DOCK1: variants seen among roughly 807,000 people sequenced by gnomAD.
DOCK1 encodes dedicator of cytokinesis 1.
In DOCK1, 138 loss-of-function variants were observed where a neutral mutation model predicts 262.7. The ratio of observed to expected loss-of-function variants is 0.53; its 90% CI spans 0.46 to 0.61. The LOEUF (loss-of-function observed/expected upper bound fraction) is 0.61, where lower values mean the gene tolerates loss of function less well. Among genes scored for constraint, DOCK1 ranks in the 20% least tolerant of loss-of-function variants. The pLI, the probability that DOCK1 is intolerant of heterozygous loss-of-function variation, is 0.00. For synonymous variants in DOCK1, 866 were observed against 867.4 expected (o/e 1.00, Z 0.03); for missense variants, 1,908 against 2,370.7 (o/e 0.80, Z 4.05).
chr10:127,257,202 A>G, intron 28 of DOCK1, 133 bp from the exon 29 acceptor site: 1 of 720,098 alleles, frequency 1.4e-6, no homozygotes, highest in Non-Finnish European at 2.2e-6. Flanking sequence ...CCTATGAAAT[A>G]TATCTTCATT....
intron 47 of DOCK1, among the ~76,000 whole-genome samples, chr10:127,428,521 G>A (rs1432977991): frequency 8.1e-5 from 12 of 148,874 alleles, no homozygotes; most frequent in African/African-American, 2.4e-4. Context: ...GGGGTGCCAT[G>A]TCGATTGTGC....
chr10:127,171,509 A>G (rs941880699), intron 27 of DOCK1, among the ~76,000 whole-genome samples: 1 of 152,128 alleles, frequency 6.6e-6, no homozygotes, highest in African/African-American at 2.4e-5. Context: ...TGTCACTTGT[A>G]TTCAAACTCA....
chr10:127,095,812 G>A (rs747259886), intron 23 of DOCK1, among the ~76,000 whole-genome samples: 7 of 152,294 alleles, frequency 4.6e-5, no homozygotes, highest in Non-Finnish European at 8.8e-5. Context: ...ATGCTTCAAG[G>A]AAGGCATAAC....
At chr10:127,287,959 C>A (rs1220914752) in intron 29 of DOCK1, among the ~76,000 whole-genome samples, 1 of 152,146 alleles carries the variant, frequency 6.6e-6, no homozygotes, top group Non-Finnish European at 1.5e-5. Flanking sequence ...AGCCAGAATT[C>A]TTTCATAAGA....
At chr10:127,118,130 A>G (rs893687363) in intron 25 of DOCK1, among the ~76,000 whole-genome samples, 1 of 152,098 alleles carries the variant, frequency 6.6e-6, no homozygotes, top group African/African-American at 2.4e-5. Flanking sequence ...AATACCCACC[A>G]TTCCACAGCC....
At chr10:127,357,966 A>G (rs2064224060) in intron 32 of DOCK1, among the ~76,000 whole-genome samples, 1 of 151,356 alleles carries the variant, frequency 6.6e-6, no homozygotes, top group East Asian at 1.9e-4. Flanking sequence ...TCAGTTTCCC[A>G]GGATGTATAC....
At chr10:126,948,738 A>T (rs1038402005) in intron 1 of DOCK1, among the ~76,000 whole-genome samples, 2 of 152,028 alleles carry the variant, frequency 1.3e-5, no homozygotes, top group East Asian at 1.9e-4. Flanking sequence ...GCTGCCATCC[A>T]GCCTGGATCC....
chr10:127,349,862 T>A (rs2063803377), intron 31 of DOCK1, among the ~76,000 whole-genome samples: 2 of 152,302 alleles, frequency 1.3e-5, no homozygotes, highest in Admixed American at 1.3e-4. Context: ...CCTATGTGTC[T>A]GTGTCTCTCA....
At chr10:126,953,391 G>T (rs2036485145) in intron 1 of DOCK1, among the ~76,000 whole-genome samples, 1 of 151,672 alleles carries the variant, frequency 6.6e-6, no homozygotes, top group African/African-American at 2.4e-5. Flanking sequence ...AGTGTTGGTA[G>T]TGGTGGTATT....
At chr10:127,428,541 T>A (rs1390388726) in intron 47 of DOCK1, among the ~76,000 whole-genome samples, 1 of 139,150 alleles carries the variant, frequency 7.2e-6, no homozygotes, top group Non-Finnish European at 1.6e-5. Flanking sequence ...CCATGTGGAT[T>A]GTGGTGTTGT....
intron 27 of DOCK1, among the ~76,000 whole-genome samples, chr10:127,154,412 GA>G (rs1564847247): frequency 6.6e-6 from 1 of 151,918 alleles, no homozygotes; most frequent in African/African-American, 2.4e-5. Context: ...TTAAGCACTT[GA>G]AAAAAAATTG....
intron 24 of DOCK1, 42 bp downstream of exon 24, chr10:127,106,343 G>T (rs972540949): frequency 8.3e-6 from 13 of 1,562,248 alleles, no homozygotes; most frequent in Non-Finnish European, 1.1e-5. Flanking sequence ...CGTGCCGTGT[G>T]TGACCTCCTT....
intron 47 of DOCK1, among the ~76,000 whole-genome samples, chr10:127,428,086 C>T (rs1252856816): frequency 2.0e-5 from 3 of 152,252 alleles, no homozygotes; most frequent in Admixed American, 6.5e-5. Context: ...GCCTGCAACT[C>T]ATTACAGTCA....
intron 1 of DOCK1, among the ~76,000 whole-genome samples, chr10:126,962,437 G>A (rs1008141501): frequency 2.0e-5 from 3 of 152,100 alleles, no homozygotes; most frequent in African/African-American, 7.2e-5. Context: ...GGGATTACAG[G>A]TATGAACCAC....
At chr10:127,397,152 A>G (rs370297210) in intron 38 of DOCK1, among the ~76,000 whole-genome samples, 9 of 98,572 alleles carry the variant, frequency 9.1e-5, no homozygotes, top group African/African-American at 1.2e-4. Flanking sequence ...TTACACGGGC[A>G]GCGACTCCTA....
At chr10:127,392,728 C>T (rs1461266545) in intron 38 of DOCK1, among the ~76,000 whole-genome samples, 1 of 152,168 alleles carries the variant, frequency 6.6e-6, no homozygotes, top group Non-Finnish European at 1.5e-5. Context: ...GAGCGAAAGG[C>T]CATGCCTCCC....
intron 27 of DOCK1, among the ~76,000 whole-genome samples, chr10:127,173,566 T>C (rs2054783726): frequency 6.6e-6 from 1 of 152,220 alleles, no homozygotes; most frequent in South Asian, 2.1e-4. Context: ...GTGTACATAT[T>C]TCATTTTACA....
At position 127,012,462 on chromosome 10, in the gene DOCK1, T is replaced by G; in HGVS notation, c.1201+88T>G. On this transcript the variant is annotated intron_variant, in intron 12 of 51. Transcript: ENST00000623213. This position sits in a 1 kb window ranked among gnomAD's most constrained non-coding sequence, Gnocchi z 4.0. ...TGGGTTGGTTTTAGTTTGATGTTGA[T>G]CATGATGGTGGTGATAATGATGGGG... The G allele has an allele frequency of 8.8e-7, 1 of 1,135,270 alleles. No homozygotes were observed. The highest frequency in any genetic ancestry group is 1.3e-6 in the Non-Finnish European group (1 of 762,186). The allele number at this position is 1,135,270 out of a possible 1,614,324, so 70.3% of individuals were successfully genotyped here.
intron 1 of DOCK1, among the ~76,000 whole-genome samples, chr10:126,964,084 A>T (rs1338394449): frequency 6.6e-6 from 1 of 152,142 alleles, no homozygotes; most frequent in African/African-American, 2.4e-5. Flanking sequence ...ACAGTGGGTA[A>T]TGTTGGGTAC....
Sources: allele counts gnomAD v4.1 joint callset (sites outside exome capture counted in the v4.1 genomes callset), GRCh38; gene constraint gnomAD v4.1.1; non-coding constraint Gnocchi (gnomAD v3.1); transcripts MANE v1.5; gene names NCBI Gene and HGNC (gene_info 2026-07-23, HGNC 2026-07-21).